CCDC171: variants seen among roughly 807,000 people sequenced by gnomAD.
CCDC171 encodes coiled-coil domain containing 171.
A neutral mutation model predicts 168.2 loss-of-function variants in CCDC171; 177 were observed. The observed-to-expected ratio is 1.05, with a 90% CI of 0.93 to 1.19. The LOEUF (loss-of-function observed/expected upper bound fraction) is 1.19. CCDC171 is among the 50% of genes most tolerant of loss of function. The pLI is 0.00. For synonymous variants in CCDC171, 687 were observed against 540.8 expected (o/e 1.27, Z -3.75); for missense variants, 1,991 against 1,539.0 (o/e 1.29, Z -4.91).
chr9:15,990,961 C>T (rs907367101), intron 3 of CCDC171, among the ~76,000 whole-genome samples: 3 of 152,058 alleles, frequency 2.0e-5, no homozygotes, highest in Non-Finnish European at 2.9e-5. Flanking sequence ...ACTTAGACTC[C>T]CACACAATAA....
At chr9:15,893,514 A>G (rs996499033) in intron 24 of CCDC171, among the ~76,000 whole-genome samples, 5 of 152,292 alleles carry the variant, frequency 3.3e-5, no homozygotes, top group Admixed American at 1.3e-4. Context: ...AGAATGAGAG[A>G]AAATTTTTGC....
intron 10 of CCDC171, among the ~76,000 whole-genome samples, chr9:15,680,942 G>T (rs1393049477): frequency 2.0e-5 from 3 of 152,020 alleles, no homozygotes; most frequent in African/African-American, 4.8e-5. Flanking sequence ...TCCTAATTCT[G>T]GTTTTCTAGC....
chr9:15,578,072 G>C (rs899212756), intron 3 of CCDC171, among the ~76,000 whole-genome samples: 9 of 152,072 alleles, frequency 5.9e-5, no homozygotes, highest in African/African-American at 2.2e-4. Context: ...TCATAATCAA[G>C]AGAAATAATA....
chr9:15,646,629 C>T (rs879409396), intron 7 of CCDC171, among the ~76,000 whole-genome samples: 2 of 134,282 alleles, frequency 1.5e-5, no homozygotes, highest in Non-Finnish European at 3.3e-5. Context: ...GACTTTAAAC[C>T]AACAAAGATC....
chr9:16,019,537 G>A (rs572587885), intron 3 of CCDC171, among the ~76,000 whole-genome samples: 5 of 152,152 alleles, frequency 3.3e-5, no homozygotes, highest in African/African-American at 7.2e-5. Flanking sequence ...GGGGAATCTG[G>A]GTTTAGATAA....
rs1303029711 is a variant in CCDC171 at position 16,007,374 on chromosome 9, C to T, written n.369-13215C>T. Among the ~76,000 whole-genome samples, 8 of 152,194 alleles carry T rather than the reference C, an allele frequency of 5.3e-5. No individual in the cohort carries two copies. The East Asian group carries it at 5.8e-4, about 11-fold the overall frequency. ...TAGGTTGCAAAAGTTTTCTCCCATTCTGTAGGTTGCCTGTTCACTCTGATG... is the reference window on the plus strand; with the variant it reads ...TAGGTTGCAAAAGTTTTCTCCCATTTTGTAGGTTGCCTGTTCACTCTGATG... On this transcript the variant is annotated intron_variant and non_coding_transcript_variant, in intron 3 of 9. Coordinates refer to the CCDC171 transcript ENST00000486641.
intron 1 of CCDC171, among the ~76,000 whole-genome samples, chr9:15,556,624 T>C (rs2038823321): frequency 6.6e-6 from 1 of 152,168 alleles, no homozygotes; most frequent in Admixed American, 6.5e-5. Flanking sequence ...AAGTTCTTTG[T>C]AGATTCTGGA....
At chr9:15,591,967 T>A (rs1329040824) in intron 5 of CCDC171, among the ~76,000 whole-genome samples, 2 of 152,162 alleles carry the variant, frequency 1.3e-5, no homozygotes, top group Admixed American at 1.3e-4. Flanking sequence ...ATGTAGAGCA[T>A]GTTTTGTATA....
chr9:16,010,583 C>G (rs999257215), intron 3 of CCDC171, among the ~76,000 whole-genome samples: 8 of 152,262 alleles, frequency 5.3e-5, no homozygotes, highest in African/African-American at 1.7e-4. Context: ...ATGGCCCACT[C>G]AGCTCTTTTC....
At chr9:15,934,078 A>G (rs991038304) in intron 25 of CCDC171, among the ~76,000 whole-genome samples, 1 of 151,892 alleles carries the variant, frequency 6.6e-6, no homozygotes, top group African/African-American at 2.4e-5. Flanking sequence ...CAACAACAAA[A>G]AGACAATCTA....
rs140757972 is a variant in CCDC171, at chr9:16,057,137, T to C, written n.90-3509T>C. 9.2e-5 allele frequency among the ~76,000 whole-genome samples: 14 copies of C among 152,352 alleles called. No individual in the cohort carries two copies. In the East Asian group the frequency reaches 2.5e-3, roughly 27 times the overall value. On this transcript the variant is annotated intron_variant and non_coding_transcript_variant, in intron 1 of 1. Transcript: ENST00000478913. The stretch of plus-strand genomic sequence containing the variant: ...TATGAATGACATCCTTTTATATATA[T>C]GTCTTGATCTTTACACAAGGAGTTC...
At chr9:16,081,658 A>AT in the CCDC171 span, among the ~76,000 whole-genome samples, 114 of 151,436 alleles carry the variant, frequency 7.5e-4, no homozygotes, top group African/African-American at 2.4e-3. Flanking sequence ...GGGGTAATAC[A>AT]TTTTTTTTTA....
At chr9:15,725,047 A>AT in intron 14 of CCDC171, 71 bp downstream of exon 14, 2 of 1,114,096 alleles carry the variant, frequency 1.8e-6, no homozygotes. Flanking sequence ...TCAAGTGACT[A>AT]TTTTTACTTG....
At chr9:15,827,578 G>A (rs2060065997) in intron 21 of CCDC171, among the ~76,000 whole-genome samples, 1 of 152,156 alleles carries the variant, frequency 6.6e-6, no homozygotes, top group Non-Finnish European at 1.5e-5. Flanking sequence ...TTTTATTCAA[G>A]TTTGAAAGTG....
At chr9:15,717,424 C>A (rs1198024944) in intron 11 of CCDC171, among the ~76,000 whole-genome samples, 2 of 152,166 alleles carry the variant, frequency 1.3e-5, no homozygotes, top group Non-Finnish European at 2.9e-5. Context: ...GACTGCAACT[C>A]CTAGGCAAGT....
In CCDC171 at chr9:15,777,872, T is replaced by G. The variant is rs773188669; in HGVS notation, c.2898+46T>G. ...AGTAGTAACCTAAGAACTTGTAGGT[T>G]TAATTTTGAATTAGCCTAATTTGTA... is the stretch of plus-strand genomic sequence containing the variant. On this transcript the variant is annotated intron_variant, in intron 19 of 25. Coordinates refer to ENST00000380701, the MANE Select transcript of CCDC171 (RefSeq NM_173550.4). 2.4e-6 allele frequency: 3 copies of G among 1,272,076 alleles called. No individual in the cohort carries two copies. In the African/African-American group the frequency reaches 4.5e-5, roughly 19 times the overall value. The allele number at this position is 1,272,076 out of a possible 1,614,324, so 78.8% of individuals were successfully genotyped here.
intron 2 of CCDC171, among the ~76,000 whole-genome samples, chr9:15,570,123 C>T (rs567766244): frequency 4.6e-5 from 7 of 152,148 alleles, no homozygotes; most frequent in Admixed American, 3.9e-4. Context: ...GCATGAGCCA[C>T]CACATCCAGC....
At chr9:15,683,779 T>C (rs2050196498) in intron 10 of CCDC171, among the ~76,000 whole-genome samples, 1 of 152,058 alleles carries the variant, frequency 6.6e-6, no homozygotes, top group African/African-American at 2.4e-5. Context: ...AATGGTATTG[T>C]GTATGTATGT....
intron 21 of CCDC171, among the ~76,000 whole-genome samples, chr9:15,817,679 G>A (rs2059612712): frequency 3.4e-5 from 4 of 118,866 alleles, no homozygotes; most frequent in South Asian, 2.7e-4. Context: ...GCTTGAGTAG[G>A]TAAGCAAAGC....
Sources: allele counts gnomAD v4.1 joint callset (sites outside exome capture counted in the v4.1 genomes callset), GRCh38; gene constraint gnomAD v4.1.1; transcripts MANE v1.5; gene names NCBI Gene and HGNC (gene_info 2026-07-23, HGNC 2026-07-21).